Variants in RBFOX1 observed in about 807,000 individuals in gnomAD.
RBFOX1 encodes the protein RNA binding fox-1 homolog 1, also known as RNA binding protein fox-1 homolog 1.
A neutral mutation model predicts 57.7 loss-of-function variants in RBFOX1; 8 were observed. The observed-to-expected ratio is 0.14, with a 90% CI of 0.08 to 0.25. RBFOX1 has a LOEUF of 0.25. Among genes scored for constraint, RBFOX1 ranks in the 10% least tolerant of loss-of-function variants. The pLI is 1.00. For missense variants in RBFOX1, 611 were observed against 548.5 expected (o/e 1.11, Z -1.14); for synonymous variants, 326 against 222.4 (o/e 1.47, Z -4.15).
chr16:7,554,723 T>A (rs546179353), intron 5 of RBFOX1, among the ~76,000 whole-genome samples: 262 of 152,200 alleles, frequency 1.7e-3, no homozygotes, highest in African/African-American at 5.7e-3. Flanking sequence ...TGGAAAAAAA[T>A]TTTATGAGTG....
At chr16:6,079,614 T>C (rs1234282767) in intron 1 of RBFOX1, among the ~76,000 whole-genome samples, 3 of 151,898 alleles carry the variant, frequency 2.0e-5, no homozygotes, top group Non-Finnish European at 4.4e-5. Context: ...AAAGTCCTTT[T>C]GAAATGGTAC....
chr16:5,305,074 G>T (rs1238449154), intron 1 of RBFOX1, among the ~76,000 whole-genome samples: 1 of 152,074 alleles, frequency 6.6e-6, no homozygotes, highest in East Asian at 1.9e-4. Flanking sequence ...GACTCAGGTG[G>T]GCTTTGCAAG....
intron 4 of RBFOX1, among the ~76,000 whole-genome samples, chr16:5,878,565 G>A (rs575901867): frequency 1.3e-5 from 2 of 152,268 alleles, no homozygotes; most frequent in African/African-American, 2.4e-5. Flanking sequence ...GTTGCTCAAC[G>A]CAATCTTCTC....
intron 1 of RBFOX1, among the ~76,000 whole-genome samples, chr16:5,343,014 A>G (rs2065064644): frequency 6.6e-6 from 1 of 152,208 alleles, no homozygotes; most frequent in African/African-American, 2.4e-5. Context: ...ACCCAAGACT[A>G]AGTCAATGGC....
chr16:6,655,396 A>C (rs917141051), intron 3 of RBFOX1, among the ~76,000 whole-genome samples: 25 of 144,328 alleles, frequency 1.7e-4, no homozygotes, highest in African/African-American at 6.4e-4. Flanking sequence ...AAAAAAAAAA[A>C]AAAAAAAGAG....
chr16:5,898,323 C>T (rs1049402816), intron 4 of RBFOX1, among the ~76,000 whole-genome samples: 6 of 152,076 alleles, frequency 3.9e-5, no homozygotes, highest in African/African-American at 1.2e-4. Context: ...CATGGCCAAA[C>T]CATGTCAGGG....
At chr16:6,848,438 C>T (rs1385669630) in intron 3 of RBFOX1, among the ~76,000 whole-genome samples, 1 of 152,086 alleles carries the variant, frequency 6.6e-6, no homozygotes, top group African/African-American at 2.4e-5. Context: ...TTCTGTTGAC[C>T]ACACATGGCC....
chr16:7,419,609 C>T (rs1020029416), intron 4 of RBFOX1, among the ~76,000 whole-genome samples: 2 of 152,182 alleles, frequency 1.3e-5, no homozygotes, highest in East Asian at 1.9e-4. Context: ...ATAACAGGGC[C>T]CCCTGCCCTT....
At chr16:6,680,796 A>AT (rs1305865704) in intron 3 of RBFOX1, among the ~76,000 whole-genome samples, 9 of 152,178 alleles carry the variant, frequency 5.9e-5, no homozygotes, top group Non-Finnish European at 1.2e-4. Context: ...TTTGCAAACC[A>AT]TTTTTTAAAT....
intron 3 of RBFOX1, among the ~76,000 whole-genome samples, chr16:5,851,748 C>G (rs2056902444): frequency 1.3e-5 from 2 of 152,164 alleles, no homozygotes; most frequent in African/African-American, 4.8e-5. Flanking sequence ...TAAAAAGAGT[C>G]ATTGTTCATG....
chr16:6,806,805 AATAAATATATAAATATATATATATATAT>A (rs2086881519), intron 3 of RBFOX1, among the ~76,000 whole-genome samples: 1 of 110,262 alleles, frequency 9.1e-6, no homozygotes, highest in Non-Finnish European at 1.8e-5. Context: ...TATATATATA[AATAAATATATAAATATATATATATATAT>A]ATATTTTTTT....
chr16:5,785,508 C>CT (rs1567538923), intron 3 of RBFOX1, among the ~76,000 whole-genome samples: 1 of 151,506 alleles, frequency 6.6e-6, no homozygotes, highest in Admixed American at 6.6e-5. Flanking sequence ...AATTTCTTTT[C>CT]TTTTTTCTTT....
intron 1 of RBFOX1, among the ~76,000 whole-genome samples, chr16:6,069,759 G>C (rs1776563030): frequency 6.6e-6 from 1 of 152,114 alleles, no homozygotes; most frequent in Non-Finnish European, 1.5e-5. Context: ...GGCTGAGGTG[G>C]GCAGATCACT....
chr16:7,060,215 C>T (rs771829845), intron 4 of RBFOX1, among the ~76,000 whole-genome samples: 3 of 152,126 alleles, frequency 2.0e-5, no homozygotes, highest in Non-Finnish European at 2.9e-5. Context: ...AGCACAAAAG[C>T]AGCCATAGAT....
intron 2 of RBFOX1, among the ~76,000 whole-genome samples, chr16:5,493,811 G>A (rs1453889202): frequency 2.0e-5 from 3 of 152,236 alleles, no homozygotes; most frequent in Non-Finnish European, 4.4e-5. Context: ...ACTGGAGACT[G>A]ATTAAATCTT....
chr16:7,661,656 G>A (rs1320356292), intron 12 of RBFOX1, among the ~76,000 whole-genome samples: 4 of 152,196 alleles, frequency 2.6e-5, no homozygotes, highest in African/African-American at 9.6e-5. Flanking sequence ...GTACACTCTG[G>A]GAGGGCAGGG....
At chr16:6,030,389 G>T (rs890194631) in intron 1 of RBFOX1, among the ~76,000 whole-genome samples, 1 of 152,168 alleles carries the variant, frequency 6.6e-6, no homozygotes, top group Non-Finnish European at 1.5e-5. Context: ...AGGAATCTCA[G>T]AGCTGATTTT....
intron 3 of RBFOX1, among the ~76,000 whole-genome samples, chr16:7,042,031 C>T (rs1455760932): frequency 6.6e-6 from 1 of 152,102 alleles, no homozygotes; most frequent in Non-Finnish European, 1.5e-5. Flanking sequence ...CCTCCAGTCT[C>T]CATTGGGGAG....
At chr16:7,388,861 G>A (rs1038327482) in intron 4 of RBFOX1, among the ~76,000 whole-genome samples, 5 of 152,002 alleles carry the variant, frequency 3.3e-5, no homozygotes, top group Non-Finnish European at 7.4e-5. Context: ...AGTAGGTTAG[G>A]TGTATGGAAT....
Sources: allele counts gnomAD v4.1 joint callset (sites outside exome capture counted in the v4.1 genomes callset), GRCh38; gene constraint gnomAD v4.1.1; transcripts MANE v1.5; gene names NCBI Gene and HGNC (gene_info 2026-07-23, HGNC 2026-07-21).